The following CPED1 variants were observed in gnomAD, a reference collection of about 807,000 sequenced individuals.
CPED1 encodes cadherin like and PC-esterase domain containing 1.
In CPED1, 114 loss-of-function variants were observed where a neutral mutation model predicts 128.2. That is an observed-to-expected ratio of 0.89 (90% CI 0.76 to 1.04). The LOEUF (loss-of-function observed/expected upper bound fraction) is 1.04, where lower values mean the gene tolerates loss of function less well. Among genes scored for constraint, CPED1 ranks in the 50% least tolerant of loss-of-function variants. The pLI is 0.00. For synonymous variants in CPED1, 462 were observed against 426.7 expected, an observed-to-expected ratio of 1.08 and a Z score of -1.02; for missense variants, 1,211 against 1,207.1, an observed-to-expected ratio of 1.00 and a Z score of -0.05.
At chr7:121,236,450 C>T (rs1396325973) in intron 16 of CPED1, among the ~76,000 whole-genome samples, 1 of 151,996 alleles carries the variant, frequency 6.6e-6, no homozygotes, top group Non-Finnish European at 1.5e-5. Context: ...AATGAGTTGA[C>T]ACAGATATAT....
At chr7:121,155,513 T>C (rs2402561) in intron 16 of CPED1, among the ~76,000 whole-genome samples, 134,501 of 152,196 alleles carry the variant, frequency 0.88, 59,526 homozygotes, top group Middle Eastern at 0.98. Flanking sequence ...AAAACATATG[T>C]GTAGACCAAT....
intron 22 of CPED1, among the ~76,000 whole-genome samples, chr7:121,284,848 C>T (rs569847999): frequency 1.1e-4 from 17 of 152,310 alleles, no homozygotes; most frequent in African/African-American, 4.1e-4. Flanking sequence ...GCACACAGTG[C>T]AAGCTGTTGG....
chr7:121,023,305 G>A (rs1792489237), intron 3 of CPED1, among the ~76,000 whole-genome samples: 1 of 152,082 alleles, frequency 6.6e-6, no homozygotes, highest in Non-Finnish European at 1.5e-5. Flanking sequence ...TTGAATGCAA[G>A]ATTTATTTTT....
At chr7:121,078,494 GAAAGAAAA>G (rs1563017167) in intron 5 of CPED1, among the ~76,000 whole-genome samples, 782 of 39,244 alleles carry the variant, frequency 0.02, no homozygotes, top group African/African-American at 0.044. Flanking sequence ...AAGAAAGAAA[GAAAGAAAA>G]AAAAAAAAAA....
At chr7:121,256,132 A>AAAAAAAAAC (rs1791864639) in intron 18 of CPED1, among the ~76,000 whole-genome samples, 1 of 147,968 alleles carries the variant, frequency 6.8e-6, no homozygotes, top group African/African-American at 2.5e-5. Context: ...AACAAAACAA[A>AAAAAAAAAC]AAAAAAAAAC....
At chr7:121,252,417 C>A (rs1205847164) in intron 18 of CPED1, among the ~76,000 whole-genome samples, 2 of 151,762 alleles carry the variant, frequency 1.3e-5, no homozygotes, top group South Asian at 4.2e-4. Flanking sequence ...GCAAGGACTT[C>A]ATGTCTAAAA....
rs117206111 is a variant in CPED1, at chr7:121,107,492, G to A, written c.918+7398G>A. Among the ~76,000 whole-genome samples, 30 of 152,120 alleles carry A rather than the reference G, an allele frequency of 2.0e-4. No homozygotes were observed. In the East Asian group the frequency reaches 4.1e-3, roughly 21 times the overall value. On this transcript the variant is annotated intron_variant, in intron 7 of 22. Transcript: ENST00000310396. ...CTGGCATAGTAGCTAATATTCAGCC[G>A]ATTCAGGGAGAGAGAAATGAATTAG...
At chr7:121,119,309 A>C (rs1196678674) in intron 7 of CPED1, among the ~76,000 whole-genome samples, 1 of 150,144 alleles carries the variant, frequency 6.7e-6, no homozygotes, top group Non-Finnish European at 1.5e-5. Flanking sequence ...GACTCACTGC[A>C]AGCTCCGCCT....
chr7:121,065,503 CCAG>C (rs1424347878), intron 5 of CPED1, among the ~76,000 whole-genome samples: 2 of 152,072 alleles, frequency 1.3e-5, no homozygotes, highest in African/African-American at 4.8e-5. Flanking sequence ...TTACTTTTGA[CCAG>C]AACCTACAGA....
At chr7:121,293,885 A>G (rs1792765824) in intron 22 of CPED1, among the ~76,000 whole-genome samples, 1 of 151,894 alleles carries the variant, frequency 6.6e-6, no homozygotes, top group Admixed American at 6.6e-5. Context: ...CTCAGTTGGA[A>G]ATGCAGAAAT....
At chr7:121,117,141 C>G (rs927442649) in intron 7 of CPED1, among the ~76,000 whole-genome samples, 1 of 146,198 alleles carries the variant, frequency 6.8e-6, no homozygotes, top group Non-Finnish European at 1.5e-5. Flanking sequence ...CGCTCTGTCA[C>G]CCAGGCTGGA....
intron 2 of CPED1, among the ~76,000 whole-genome samples, chr7:120,992,540 G>T (rs1230974080): frequency 6.6e-6 from 1 of 152,096 alleles, no homozygotes. Flanking sequence ...CAACCAGTAT[G>T]TTTACATGTT....
In CPED1 at chr7:121,115,135, G is replaced by A. The variant is rs140373120; in HGVS notation, c.919-9196G>A. On this transcript the variant is annotated intron_variant, in intron 7 of 22. Transcript: ENST00000310396. ...GTGGCAATGGAAAAAATAATTGAGG[G>A]CAGGGAAGTCAGTAGTCAGTACTCA... is the stretch of plus-strand genomic sequence containing the variant. Among the ~76,000 whole-genome samples, 454 of 152,276 alleles carry A rather than the reference G, an allele frequency of 3.0e-3. 4 individuals carry two copies. Among genetic ancestry groups the A allele is most frequent in the African/African-American group, 0.01 (426 of 41,546 alleles).
At chr7:121,202,264 T>C (rs1797417379) in intron 16 of CPED1, among the ~76,000 whole-genome samples, 1 of 152,134 alleles carries the variant, frequency 6.6e-6, no homozygotes, top group African/African-American at 2.4e-5. Flanking sequence ...CTGGGACAGC[T>C]CTGTGTTGTG....
intron 4 of CPED1, chr7:121,050,799 G>A (rs921938716): frequency 8.7e-6 from 4 of 458,180 alleles, no homozygotes; most frequent in African/African-American, 8.0e-5. Context: ...GTGGGTCTCA[G>A]CAGCTCAGGC....
chr7:121,082,824 A>T (rs2116145991), intron 5 of CPED1, among the ~76,000 whole-genome samples: 1 of 152,358 alleles, frequency 6.6e-6, no homozygotes, highest in African/African-American at 2.4e-5. Flanking sequence ...TAAATAAGAA[A>T]ATAAGAAAGG....
chr7:121,232,198 G>A (rs924437270), intron 16 of CPED1, among the ~76,000 whole-genome samples: 5 of 152,118 alleles, frequency 3.3e-5, no homozygotes, highest in African/African-American at 1.2e-4. Flanking sequence ...CAAAGTCGCA[G>A]GGCAAGTTTT....
chr7:121,238,646 A>T (rs1165682205), intron 17 of CPED1, among the ~76,000 whole-genome samples: 2 of 152,026 alleles, frequency 1.3e-5, no homozygotes, highest in African/African-American at 4.8e-5. Context: ...AGGGCCATTC[A>T]TAGGGTGAAG....
At chr7:121,200,794 T>G (rs1797377750) in intron 16 of CPED1, among the ~76,000 whole-genome samples, 1 of 151,976 alleles carries the variant, frequency 6.6e-6, no homozygotes, top group African/African-American at 2.4e-5. Flanking sequence ...GAAACAAACT[T>G]CTCTAGCCCA....
Sources: gnomAD v4.1 joint callset for allele counts (sites outside exome capture counted in the v4.1 genomes callset) on GRCh38, gnomAD v4.1.1 for gene constraint, MANE v1.5 for transcripts, NCBI Gene and HGNC (gene_info 2026-07-23, HGNC 2026-07-21) for gene names.